The following C10orf105 variants were observed in gnomAD, a reference collection of about 807,000 sequenced individuals.
The protein encoded by C10orf105 is chromosome 10 open reading frame 105.
C10orf105 carries 2 observed loss-of-function variants against 0.6 expected under a neutral mutation model. The ratio of observed to expected loss-of-function variants is 3.18; its 90% CI spans 1.30 to 10.01. The LOEUF (loss-of-function observed/expected upper bound fraction) is 10.01, where lower values mean the gene tolerates loss of function less well. C10orf105 is among the 30% of genes most tolerant of loss of function. C10orf105 has a pLI of 0.04. For missense variants in C10orf105, 209 were observed against 191.4 expected (o/e 1.09, Z -0.54); for synonymous variants, 95 against 82.4 (o/e 1.15, Z -0.83).
rs531282921 is a variant in C10orf105, at chr10:71,713,081, C to T, written c.*2855G>A. On this transcript the variant is annotated 3_prime_UTR_variant, in exon 2 of 2. Coordinates refer to ENST00000441508, the MANE Select transcript of C10orf105 (RefSeq NM_001164375.3). The stretch of plus-strand genomic sequence containing the variant: ...ACTTGGCCTCCCCCTGCATATCTCC[C>T]GCCCCACCCAGAAGGGCCTTTCAGA... 1.2e-5 allele frequency: 9 copies of T among 753,496 alleles called. No homozygotes were observed. Among genetic ancestry groups the T allele is most frequent in the Admixed American group, 5.5e-5 (3 of 54,734 alleles). 46.7% of individuals were successfully genotyped at this position (753,496 alleles called of 1,614,324 possible).
chr10:71,730,324 C>A, intron 1 of C10orf105: 1 of 977,008 alleles, frequency 1.0e-6, no homozygotes, highest in Non-Finnish European at 1.5e-6. Flanking sequence ...CACAGTGACC[C>A]ACCAGACAGG....
At chr10:71,732,960 A>G (rs923147627) in intron 1 of C10orf105, among the ~76,000 whole-genome samples, 7 of 152,148 alleles carry the variant, frequency 4.6e-5, no homozygotes, top group Non-Finnish European at 8.8e-5. Context: ...GCAATTCTCC[A>G]GTAGACACCA....
At chr10:71,729,624 G>A (rs1839285620) in intron 1 of C10orf105, among the ~76,000 whole-genome samples, 1 of 152,204 alleles carries the variant, frequency 6.6e-6, no homozygotes, top group Non-Finnish European at 1.5e-5. Flanking sequence ...GGGGCTGGGA[G>A]CTGGCCGTGA....
At chr10:71,719,944 C>G (rs1015092989), upstream of C10orf105, 1 of 152,842 alleles carries the variant, frequency 6.5e-6, no homozygotes. Flanking sequence ...CCCACCGCCT[C>G]TCTCCAGCCT....
chr10:71,736,493 G>C (rs982205302), intron 1 of C10orf105, among the ~76,000 whole-genome samples: 1 of 152,196 alleles, frequency 6.6e-6, no homozygotes, highest in Non-Finnish European at 1.5e-5. Context: ...TGCTATAAGA[G>C]CTCTTGAGTA....
intron 1 of C10orf105, among the ~76,000 whole-genome samples, chr10:71,730,218 G>C (rs1223534275): frequency 2.6e-5 from 4 of 152,188 alleles, no homozygotes; most frequent in Non-Finnish European, 4.4e-5. Context: ...ATGTTCCACA[G>C]CATTAGTCAA....
chr10:71,732,557 A>T (rs1291759254), intron 1 of C10orf105: 2 of 1,302,380 alleles, frequency 1.5e-6, no homozygotes, highest in Non-Finnish European at 2.1e-6. Flanking sequence ...GCTTCAGCTC[A>T]GGAGTTTGGA....
intron 1 of C10orf105, chr10:71,732,644 C>CA (rs917844756): frequency 2.4e-5 from 34 of 1,389,210 alleles, no homozygotes; most frequent in South Asian, 8.7e-5. Context: ...TACAAAGAAA[C>CA]AAAAAAAAGT....
intron 1 of C10orf105, chr10:71,734,653 C>T (rs769988673): frequency 2.7e-6 from 4 of 1,470,034 alleles, no homozygotes; most frequent in East Asian, 6.2e-5. Flanking sequence ...CCTCTGCCTA[C>T]AGAAGGTGAG....
chr10:71,723,461 C>T (rs190280169), upstream of C10orf105, among the ~76,000 whole-genome samples: 17 of 152,252 alleles, frequency 1.1e-4, no homozygotes, highest in Admixed American at 3.3e-4. Context: ...AAGCCTGAGT[C>T]GCAGCCACGC....
intron 1 of C10orf105, chr10:71,737,637 G>A (rs537322695): frequency 5.6e-5 from 26 of 463,580 alleles, no homozygotes; most frequent in South Asian, 3.6e-4. Flanking sequence ...CTGGCCTGGG[G>A]CAGGGCAGTG....
chr10:71,719,997 C>G (rs536318752), upstream of C10orf105, among the ~76,000 whole-genome samples: 2 of 152,216 alleles, frequency 1.3e-5, no homozygotes, highest in African/African-American at 4.8e-5. Flanking sequence ...TCTGGGGAGA[C>G]GCAGGGGGAG....
Position 71,713,099 on chromosome 10 carries a change from C to T in C10orf105, c.*2837G>A, listed in dbSNP as rs1589362477. The T allele has an allele frequency of 3.9e-6, 3 of 767,480 alleles. No individual in the cohort carries two copies. Among genetic ancestry groups the T allele is most frequent in the Non-Finnish European group, 7.3e-6 (3 of 412,394 alleles). The allele number at this position is 767,480 out of a possible 1,614,324, so 47.5% of individuals were successfully genotyped here. A position where few individuals can be genotyped will look rare whatever the true frequency, so the allele number is the denominator to read the frequency against. ...TATCTCCCGCCCCACCCAGAAGGGC[C>T]TTTCAGAGTAGCGGGGAGAAAGAGA... On this transcript the variant is annotated 3_prime_UTR_variant, in exon 2 of 2. Coordinates refer to ENST00000441508, the MANE Select transcript of C10orf105 (RefSeq NM_001164375.3).
chr10:71,730,430 C>T lies in C10orf105; in HGVS notation c.-6+7298G>A, dbSNP rs1267831080. The T allele has an allele frequency of 3.1e-6, 5 of 1,607,020 alleles. No homozygotes were observed. The Admixed American group carries it at 6.7e-5, about 22-fold the overall frequency. On this transcript the variant is annotated intron_variant, in intron 1 of 1. Coordinates refer to the C10orf105 transcript ENST00000398786. ...CAAGCCCTGGGCTTCCCAGCCTCCA[C>T]CCCACCCTGACCTTGCACCCCTGGC...
At chr10:71,735,859 C>T (rs1315788026) in intron 1 of C10orf105, among the ~76,000 whole-genome samples, 1 of 152,222 alleles carries the variant, frequency 6.6e-6, no homozygotes, top group Non-Finnish European at 1.5e-5. Flanking sequence ...AGCTATGCTC[C>T]CCAAGGGCAG....
chr10:71,729,574 G>T (rs1297919455), intron 1 of C10orf105, among the ~76,000 whole-genome samples: 1 of 152,226 alleles, frequency 6.6e-6, no homozygotes, highest in Non-Finnish European at 1.5e-5. Flanking sequence ...CCCGGGTGTG[G>T]GTGCAGTGGG....
At chr10:71,730,441 C>T (rs142406644) in intron 1 of C10orf105, 32 of 1,611,394 alleles carry the variant, frequency 2.0e-5, no homozygotes, top group Non-Finnish European at 2.6e-5. Flanking sequence ...CCCACCCTGA[C>T]CTTGCACCCC....
chr10:71,728,607 C>T (rs1411773437), intron 1 of C10orf105, among the ~76,000 whole-genome samples: 1 of 152,210 alleles, frequency 6.6e-6, no homozygotes, highest in Non-Finnish European at 1.5e-5. Context: ...GAGGCCCCTC[C>T]CTTAGTGCTG....
chr10:71,730,741 G>A, intron 1 of C10orf105: 1 of 1,302,308 alleles, frequency 7.7e-7, no homozygotes. Flanking sequence ...GGGAGGGGCT[G>A]CTGGGATGGT....
Sources: allele counts gnomAD v4.1 joint callset (sites outside exome capture counted in the v4.1 genomes callset), GRCh38; gene constraint gnomAD v4.1.1; transcripts MANE v1.5; gene names NCBI Gene and HGNC (gene_info 2026-07-23, HGNC 2026-07-21).